ANKDD1A: variants seen among roughly 807,000 people sequenced by gnomAD.
ANKDD1A encodes ankyrin repeat and death domain containing 1A.
ANKDD1A carries 59 observed loss-of-function variants against 63.5 expected under a neutral mutation model. The observed-to-expected ratio is 0.93, with a 90% confidence interval of 0.75 to 1.15. The LOEUF (loss-of-function observed/expected upper bound fraction) is 1.15, where lower values mean the gene tolerates loss of function less well. Among genes scored for constraint, ANKDD1A ranks in the 50% most tolerant of loss-of-function variants. The pLI, the probability that ANKDD1A is intolerant of heterozygous loss-of-function variation, is 0.00. For missense variants in ANKDD1A, 632 were observed against 656.4 expected, an observed-to-expected ratio of 0.96 and a Z score of 0.41; for synonymous variants, 266 against 263.9, an observed-to-expected ratio of 1.01 and a Z score of -0.08.
In ANKDD1A at chr15:64,949,286, G is replaced by C. The variant is rs141740305; in HGVS notation, c.1352-555G>C. Among the ~76,000 whole-genome samples the C allele has an allele frequency of 5.1e-3, 777 of 152,320 alleles. 9 individuals are homozygous for C. The highest frequency in any genetic ancestry group is 0.018 in the African/African-American group (745 of 41,582). On this transcript the variant is annotated intron_variant, in intron 13 of 14. Transcript: ENST00000319580. Reference sequence around the variant, plus strand: ...AAATTTTGAAACCGTTAAATGCCTAGGCTGCACCCAGTCCCAGGTACATGA... The same window carrying C: ...AAATTTTGAAACCGTTAAATGCCTACGCTGCACCCAGTCCCAGGTACATGA...
intron 9 of ANKDD1A, among the ~76,000 whole-genome samples, chr15:64,938,211 G>A (rs2085151082): frequency 1.3e-5 from 2 of 152,188 alleles, no homozygotes; most frequent in Admixed American, 6.5e-5. Context: ...TCTCAAGGAG[G>A]TGAAGCAGAA....
At chr15:64,915,707 T>C (rs2084963639) in intron 1 of ANKDD1A, 90 bp from the exon 2 acceptor site, 1 of 1,088,284 alleles carries the variant, frequency 9.2e-7, no homozygotes, top group South Asian at 1.3e-5. Context: ...GCTCCAGAAA[T>C]GTTCAGGAGT....
In ANKDD1A at chr15:64,947,579, AG is replaced by A. The variant is rs753131737; in HGVS notation, c.1338del (p.Glu446AspfsTer69). 2.3e-5 allele frequency: 37 copies of A among 1,613,906 alleles called. No individual in the cohort carries two copies. Among genetic ancestry groups the A allele is most frequent in the Middle Eastern group, 1.7e-4 (1 of 6,034 alleles). ...ACGGAGGCACATGTCGACGCCATCGAGCAACAGTGGACAGGTACCACCTTGC... is the reference window on the plus strand; with the variant it reads ...ACGGAGGCACATGTCGACGCCATCGACAACAGTGGACAGGTACCACCTTGC... ...EFTEAHVDAI[E>X]QQWTGTRSYQ... On this transcript the variant is annotated frameshift_variant, in exon 13 of 15. Coordinates refer to ENST00000319580, the MANE Select transcript of ANKDD1A (RefSeq NM_182703.6). LOFTEE classifies it high-confidence loss of function.
chr15:64,952,112 CTT>C (rs2085298186), intron 14 of ANKDD1A, among the ~76,000 whole-genome samples: 2 of 21,968 alleles, frequency 9.1e-5, no homozygotes, highest in African/African-American at 1.5e-4. Context: ...TTCTTTTCTT[CTT>C]CTTTCTTCTC....
intron 14 of ANKDD1A, among the ~76,000 whole-genome samples, chr15:64,953,628 T>TTAGTTCTTCTTATTCTTCTTCTTTC (rs149400321): frequency 8.0e-6 from 1 of 125,754 alleles, no homozygotes; most frequent in East Asian, 2.3e-4. Flanking sequence ...CTTCTTCTTC[T>TTAGTTCTTCTTATTCTTCTTCTTTC]TCCTTCTTCT....
chr15:64,954,372 TCC>T (rs1566918711), intron 14 of ANKDD1A, among the ~76,000 whole-genome samples: 36 of 16,448 alleles, frequency 2.2e-3, no homozygotes, highest in Admixed American at 5.5e-3. Flanking sequence ...TCCTTCTTCT[TCC>T]TTTTCTTTTC....
At position 64,957,728 on chromosome 15, in the gene ANKDD1A, G is replaced by A. The variant is rs944206811; in HGVS notation, c.*540G>A. The A allele has an allele frequency of 5.9e-5, 9 of 151,948 alleles. No individual in the cohort carries two copies. The highest frequency in any genetic ancestry group is 2.2e-4 in the African/African-American group (9 of 41,314). 9.4% of individuals were successfully genotyped at this position (151,948 alleles called of 1,614,324 possible). ...TATTTCTCTCAGCAGATATTTCTTTGGTACTACCATGTATTGTGTAACTTT... is the reference window on the plus strand; with the variant it reads ...TATTTCTCTCAGCAGATATTTCTTTAGTACTACCATGTATTGTGTAACTTT... On this transcript the variant is annotated 3_prime_UTR_variant, in exon 15 of 15. Transcript: ENST00000319580.
chr15:64,942,288 G>C (rs770044296), intron 9 of ANKDD1A, among the ~76,000 whole-genome samples, 179 bp from the exon 10 acceptor site: 1 of 152,106 alleles, frequency 6.6e-6, no homozygotes, highest in Non-Finnish European at 1.5e-5. Flanking sequence ...TCAGTTTGGG[G>C]CTCCAGGAAT....
At chr15:64,939,924 G>C (rs1043445567) in intron 9 of ANKDD1A, among the ~76,000 whole-genome samples, 25 of 152,018 alleles carry the variant, frequency 1.6e-4, no homozygotes, top group African/African-American at 6.0e-4. Flanking sequence ...TTGGATCTAG[G>C]GTTAGGCCAA....
chr15:64,934,035 G>T, intron 8 of ANKDD1A, 101 bp from the exon 9 acceptor site: 3 of 898,942 alleles, frequency 3.3e-6, no homozygotes, highest in Non-Finnish European at 5.2e-6. Flanking sequence ...TACTCCCAGG[G>T]GTGTTGTGAC....
Position 64,947,431 on chromosome 15 carries a change from A to G in ANKDD1A, c.1189A>G (p.Ser397Gly), listed in dbSNP as rs372231824. The G allele has an allele frequency of 6.2e-7, 1 of 1,613,872 alleles. No homozygotes were observed. The highest frequency in any genetic ancestry group is 8.5e-7 in the Non-Finnish European group (1 of 1,179,930). The change falls in exon 13 of 15, where the codon AGC becomes GGC. Residue 397 changes from serine to glycine, a missense_variant. Transcript: ENST00000319580. ...CCACCCCAGTGATCCCTCTGGGAAG[A>G]GCTTGTCCTTTAAGCAGGACCATCG... ...KDHPSDPSGKSLSFKQDHRQE... is the reference protein window; with the variant it reads ...KDHPSDPSGKGLSFKQDHRQE...
rs376122161 is a variant in ANKDD1A, at chr15:64,928,268, CCT to C, written c.570+1270_570+1271del. Among the ~76,000 whole-genome samples the C allele has an allele frequency of 6.6e-4, 101 of 152,368 alleles. 1 individual carries two copies. The highest frequency in any genetic ancestry group is 2.4e-3 in the African/African-American group (101 of 41,596). The stretch of plus-strand genomic sequence containing the variant: ...CTGCACTGAGTCCATCCACACTCAT[CCT>C]TTTGGGCTGAGCAGGTCCTACCCTG... On this transcript the variant is annotated intron_variant, in intron 6 of 14. Transcript: ENST00000319580.
intron 6 of ANKDD1A, among the ~76,000 whole-genome samples, chr15:64,927,352 A>G (rs1489351672): frequency 1.3e-5 from 2 of 152,150 alleles, no homozygotes; most frequent in Admixed American, 6.5e-5. Context: ...GCTGTGATCT[A>G]CTGGGGTTGT....
intron 5 of ANKDD1A, 27 bp downstream of exon 5, chr15:64,926,197 AT>A: frequency 6.2e-7 from 1 of 1,608,278 alleles, no homozygotes; most frequent in Non-Finnish European, 8.5e-7. Context: ...GCTACTCATC[AT>A]TCCCATTGGG....
At chr15:64,951,652 CTTCT>C (rs1470392540) in intron 14 of ANKDD1A, among the ~76,000 whole-genome samples, 62 of 132,476 alleles carry the variant, frequency 4.7e-4, no homozygotes, top group African/African-American at 1.3e-3. Flanking sequence ...ATCTTCTTTC[CTTCT>C]ATCTTCTTTT....
intron 13 of ANKDD1A, 58 bp downstream of exon 13, chr15:64,947,651 G>A (rs2098442309): frequency 6.4e-7 from 1 of 1,565,536 alleles, no homozygotes; most frequent in African/African-American, 1.3e-5. Flanking sequence ...TGGGACACCT[G>A]AAATGTGTTC....
chr15:64,951,017 C>G (rs576005292), intron 14 of ANKDD1A: 2 of 1,270,650 alleles, frequency 1.6e-6, no homozygotes, highest in East Asian at 6.0e-5. Flanking sequence ...GCCATGTAAC[C>G]GGAGGGGCCA....
chr15:64,927,792 GA>G (rs927300588), intron 6 of ANKDD1A, among the ~76,000 whole-genome samples: 2 of 151,942 alleles, frequency 1.3e-5, no homozygotes, highest in African/African-American at 4.8e-5. Flanking sequence ...ATTTTTAGTA[GA>G]GATGGGGTTT....
chr15:64,929,191 TG>T (rs1054722267), intron 6 of ANKDD1A, among the ~76,000 whole-genome samples: 3 of 152,228 alleles, frequency 2.0e-5, no homozygotes, highest in African/African-American at 7.2e-5. Flanking sequence ...AATTTTTTTT[TG>T]AGACAAGATC....
Sources: allele counts gnomAD v4.1 joint callset (sites outside exome capture counted in the v4.1 genomes callset), GRCh38; gene constraint gnomAD v4.1.1; transcripts MANE v1.5; gene names NCBI Gene and HGNC (gene_info 2026-07-23, HGNC 2026-07-21).